STK38L: variants seen among roughly 807,000 people sequenced by gnomAD.
STK38L encodes the protein serine/threonine kinase 38 like, also known as serine/threonine-protein kinase 38-like.
In STK38L, 28 loss-of-function variants were observed where a neutral mutation model predicts 59.7. The ratio of observed to expected loss-of-function variants is 0.47; its 90% CI spans 0.35 to 0.64. The LOEUF (loss-of-function observed/expected upper bound fraction) is 0.64. Ranked by LOEUF, STK38L falls within the 30% of genes least tolerant of loss-of-function variation. STK38L has a pLI of 0.01. For synonymous variants in STK38L, 162 were observed against 176.8 expected (o/e 0.92, Z 0.66); for missense variants, 314 against 555.8 (o/e 0.56, Z 4.37).
chr12:27,307,831 T>C (rs944195040), intron 3 of STK38L, among the ~76,000 whole-genome samples: 6 of 152,188 alleles, frequency 3.9e-5, no homozygotes, highest in Non-Finnish European at 5.9e-5. Context: ...GGAAGTTCTA[T>C]GCCAGGTCTC....
chr12:27,316,843 G>A (rs1440298643), intron 9 of STK38L, among the ~76,000 whole-genome samples: 1 of 152,072 alleles, frequency 6.6e-6, no homozygotes, highest in Non-Finnish European at 1.5e-5. Context: ...CTCTATTAGG[G>A]CAGGTATTAT....
intron 1 of STK38L, among the ~76,000 whole-genome samples, chr12:27,244,929 C>T (rs1304487366): frequency 6.6e-6 from 1 of 152,204 alleles, no homozygotes; most frequent in Non-Finnish European, 1.5e-5. Context: ...AATCATTTCT[C>T]CCACTCCTTT....
At chr12:27,252,125 G>A (rs2136601898) in intron 1 of STK38L, among the ~76,000 whole-genome samples, 1 of 152,220 alleles carries the variant, frequency 6.6e-6, no homozygotes, top group Middle Eastern at 3.4e-3. Flanking sequence ...GACTACAGGT[G>A]CCTGCCACCA....
chr12:27,274,940 C>G (rs940340008), intron 1 of STK38L, among the ~76,000 whole-genome samples: 3 of 152,218 alleles, frequency 2.0e-5, no homozygotes, highest in Admixed American at 2.0e-4. Context: ...CTAATAATTA[C>G]AGTAAACCTC....
rs753874911 is a variant in STK38L at position 27,315,101 on chromosome 12, C to T, written c.759C>T (p.Asn253=). 5.0e-6 allele frequency: 8 copies of T among 1,613,352 alleles called. No homozygotes were observed. Among genetic ancestry groups the T allele is most frequent in the African/African-American group, 1.3e-5 (1 of 74,884 alleles). Residue 253 remains asparagine (N), a synonymous_variant, in exon 8 of 14, where the codon AAC becomes AAT. Coordinates refer to ENST00000389032, the MANE Select transcript of STK38L (RefSeq NM_015000.4). ...RTEFYRNLTH[N]PPSDFSFQNM... is the part of the protein sequence containing the mutation. Reference sequence around the variant, plus strand: ...AATTTTATAGAAATCTCACACACAACCCACCAAGTGACTTCTGTAAGTTTG... The same window carrying T: ...AATTTTATAGAAATCTCACACACAATCCACCAAGTGACTTCTGTAAGTTTG...
intron 1 of STK38L, chr12:27,297,068 G>A (rs1944042982): frequency 6.6e-6 from 1 of 152,210 alleles, no homozygotes; most frequent in East Asian, 1.9e-4. Flanking sequence ...GGGCTGCACA[G>A]TCTGGAGAAG....
In STK38L at chr12:27,255,843, A is replaced by G. The variant is rs372704921; in HGVS notation, c.-12+11511A>G. On this transcript the variant is annotated intron_variant, in intron 1 of 13. Coordinates refer to ENST00000389032, the MANE Select transcript of STK38L (RefSeq NM_015000.4). ...GTCCCCGTCCTGATCTTAAGACCCCATTGTCCATCTGTCTTCTAGATATCA... is the reference window on the plus strand; with the variant it reads ...GTCCCCGTCCTGATCTTAAGACCCCGTTGTCCATCTGTCTTCTAGATATCA... 2.0e-4 allele frequency among the ~76,000 whole-genome samples: 30 copies of G among 152,136 alleles called. No homozygotes were observed. In the South Asian group the frequency reaches 5.0e-3, roughly 25 times the overall value.
intron 1 of STK38L, among the ~76,000 whole-genome samples, chr12:27,263,921 GAA>G (rs1392189412): frequency 6.6e-6 from 1 of 152,194 alleles, no homozygotes; most frequent in Non-Finnish European, 1.5e-5. Flanking sequence ...AAGAAATTGT[GAA>G]AAGTTTAGCA....
intron 1 of STK38L, among the ~76,000 whole-genome samples, chr12:27,289,069 G>A (rs1047002634): frequency 6.6e-6 from 1 of 151,940 alleles, no homozygotes; most frequent in African/African-American, 2.4e-5. Context: ...TTTCTGCTGA[G>A]GTAATTTTTT....
At position 27,302,207 on chromosome 12, in the gene STK38L, A is replaced by C; in HGVS notation, c.186+19A>C. 2.5e-6 allele frequency: 4 copies of C among 1,581,722 alleles called. No individual in the cohort carries two copies. Among genetic ancestry groups the C allele is most frequent in the Non-Finnish European group, 3.4e-6 (4 of 1,161,426 alleles). ...TGAAGAGGTAATGTAATTACCTATAATTACTGTACAAAAGCACCCCCAGTG... is the reference window on the plus strand; with the variant it reads ...TGAAGAGGTAATGTAATTACCTATACTTACTGTACAAAAGCACCCCCAGTG... On this transcript the variant is annotated intron_variant, in intron 3 of 13. Transcript: ENST00000389032.
intron 1 of STK38L, among the ~76,000 whole-genome samples, chr12:27,278,694 A>C (rs1472406655): frequency 6.6e-6 from 1 of 152,164 alleles, no homozygotes; most frequent in African/African-American, 2.4e-5. Flanking sequence ...GTTTTCTATA[A>C]TCAATAACAA....
chr12:27,314,438 C>G, intron 6 of STK38L, 66 bp from the exon 7 acceptor site: 6 of 1,202,164 alleles, frequency 5.0e-6, no homozygotes, highest in Non-Finnish European at 6.6e-6. Context: ...AGCAGGAAAG[C>G]TTTTACAAGG....
intron 12 of STK38L, 106 bp from the exon 13 acceptor site, chr12:27,322,036 AT>A (rs1236561376): frequency 6.3e-6 from 6 of 959,204 alleles, no homozygotes; most frequent in Non-Finnish European, 9.1e-6. Context: ...ATTTCCTTGG[AT>A]TTTCTAGTAT....
intron 1 of STK38L, among the ~76,000 whole-genome samples, chr12:27,272,819 GATTGATTGTAGGC>G (rs1943452815): frequency 6.6e-6 from 1 of 152,068 alleles, no homozygotes; most frequent in South Asian, 2.1e-4. Context: ...ATTCTGTGAT[GATTGATTGTAGGC>G]ATTGTTTTCT....
In STK38L at chr12:27,314,505, T is replaced by C; in HGVS notation, c.519T>C (p.Gly173=). ...LYLIMEFLPG[G]DMMTLLMKKD... ...TATATTTGACTATCCTTTATTTAGG[T>C]GACATGATGACATTGCTAATGAAGA... The change falls in exon 7 of 14, where the codon GGT becomes GGC. Residue 173 remains glycine, a splice_region_variant and synonymous_variant. Transcript: ENST00000389032. The C allele has an allele frequency of 6.5e-7, 1 of 1,539,296 alleles. No individual in the cohort carries two copies. Among genetic ancestry groups the C allele is most frequent in the East Asian group, 2.4e-5 (1 of 41,546 alleles).
chr12:27,268,383 C>T (rs1943346451), intron 1 of STK38L, among the ~76,000 whole-genome samples: 1 of 151,970 alleles, frequency 6.6e-6, no homozygotes, highest in Non-Finnish European at 1.5e-5. Context: ...GTTTTTTGTC[C>T]TTGCCATAGT....
chr12:27,258,918 T>A (rs1412718683), intron 1 of STK38L, among the ~76,000 whole-genome samples: 1 of 152,072 alleles, frequency 6.6e-6, no homozygotes, highest in Non-Finnish European at 1.5e-5. Context: ...ATGAGCATTC[T>A]GAGTTTTGTT....
rs1193404070 is a variant in STK38L at position 27,314,491 on chromosome 12, A to G, written c.518-13A>G. ...ATTTTCAATAATAATATATTTGACT[A>G]TCCTTTATTTAGGTGACATGATGAC... On this transcript the variant is annotated splice_polypyrimidine_tract_variant and intron_variant, in intron 6 of 13. Transcript: ENST00000389032. 7 of 1,517,198 alleles carry G rather than the reference A, an allele frequency of 4.6e-6. No homozygotes were observed. The African/African-American group carries it at 5.7e-5, about 12-fold the overall frequency. 94.0% of individuals were successfully genotyped at this position (1,517,198 alleles called of 1,614,324 possible). A position where few individuals can be genotyped will look rare whatever the true frequency, so the allele number is the denominator to read the frequency against.
chr12:27,256,526 A>G lies in STK38L; in HGVS notation c.-12+12194A>G, dbSNP rs576360253. ...CCTGCCTTGACCTCTTACCTCTGGC[A>G]GGGTTAGGTACCTCTCCTAGGCTTT... On this transcript the variant is annotated intron_variant, in intron 1 of 13. Coordinates refer to ENST00000389032, the MANE Select transcript of STK38L (RefSeq NM_015000.4). Among the ~76,000 whole-genome samples the G allele has an allele frequency of 4.6e-5, 7 of 152,340 alleles. No homozygotes were observed. The South Asian group carries it at 1.5e-3, about 32-fold the overall frequency.
Sources: gnomAD v4.1 joint callset for allele counts (sites outside exome capture counted in the v4.1 genomes callset) on GRCh38, gnomAD v4.1.1 for gene constraint, MANE v1.5 for transcripts, NCBI Gene and HGNC (gene_info 2026-07-23, HGNC 2026-07-21) for gene names.